The following FOXJ3 variants were observed in gnomAD, a reference collection of about 807,000 sequenced individuals.
FOXJ3 encodes the protein forkhead box J3.
FOXJ3 carries 22 observed loss-of-function variants against 76.1 expected under a neutral mutation model. The ratio of observed to expected loss-of-function variants is 0.29; its 90% CI spans 0.21 to 0.41. The LOEUF (loss-of-function observed/expected upper bound fraction) is 0.41. FOXJ3 is among the 10% of genes least tolerant of loss of function. The probability of loss-of-function intolerance (pLI) is 1.00; values close to 1 mark genes in which losing one functional copy is unlikely to be tolerated. For missense variants in FOXJ3, 613 were observed against 762.1 expected (o/e 0.80, Z 2.30); for synonymous variants, 269 against 261.2 (o/e 1.03, Z -0.29).
In FOXJ3 at chr1:42,314,271, C is replaced by T. The variant is rs115622787; in HGVS notation, c.-17-3161G>A. On this transcript the variant is annotated intron_variant, in intron 1 of 12. Coordinates refer to ENST00000361346, the MANE Select transcript of FOXJ3 (RefSeq NM_014947.5). ...TCAGAATCTTTTTATTTTTCTGAGACGGAGTTTTCACTCTTGCTGCCCAGG... is the reference window on the plus strand; with the variant it reads ...TCAGAATCTTTTTATTTTTCTGAGATGGAGTTTTCACTCTTGCTGCCCAGG... Among the ~76,000 whole-genome samples, 643 of 152,160 alleles carry T rather than the reference C, an allele frequency of 4.2e-3. 3 individuals carry two copies. The highest frequency in any genetic ancestry group is 0.014 in the African/African-American group (593 of 41,538).
intron 3 of FOXJ3, among the ~76,000 whole-genome samples, chr1:42,275,305 T>C (rs1397212581): frequency 3.3e-5 from 5 of 152,204 alleles, no homozygotes; most frequent in Non-Finnish European, 7.3e-5. Flanking sequence ...CATCTGATGA[T>C]AGACCTAAAG....
At chr1:42,270,760 T>C (rs1651808508) in intron 3 of FOXJ3, among the ~76,000 whole-genome samples, 1 of 152,228 alleles carries the variant, frequency 6.6e-6, no homozygotes, top group South Asian at 2.1e-4. Flanking sequence ...TGAAATGTTA[T>C]TTTAATGCAG....
upstream of FOXJ3, chr1:42,335,465 C>T (rs1014517432): frequency 6.6e-6 from 1 of 152,446 alleles, no homozygotes; most frequent in Non-Finnish European, 1.5e-5. Flanking sequence ...GTCCTTGTGC[C>T]TCGGAGTGGC....
At chr1:42,311,335 ACAGACATATCAGGAAGCG>A (rs1187864763) in intron 1 of FOXJ3, among the ~76,000 whole-genome samples, 2 of 152,222 alleles carry the variant, frequency 1.3e-5, no homozygotes, top group East Asian at 1.9e-4. Flanking sequence ...CAGGAAGCCT[ACAGACATATCAGGAAGCG>A]TAACAGAAAT....
chr1:42,220,762 T>C (rs1647167110), intron 5 of FOXJ3, among the ~76,000 whole-genome samples: 1 of 152,210 alleles, frequency 6.6e-6, no homozygotes, highest in Non-Finnish European at 1.5e-5. Flanking sequence ...TTTACCCTTA[T>C]TGGCTTCATT....
At chr1:42,265,341 TCTGA>T (rs774129454) in intron 3 of FOXJ3, 152 bp from the exon 4 acceptor site, 4 of 513,852 alleles carry the variant, frequency 7.8e-6, no homozygotes, top group Non-Finnish European at 1.4e-5. Context: ...TTTAAATCTT[TCTGA>T]CTTTCAAATT....
At chr1:42,313,091 T>C (rs932505392) in intron 1 of FOXJ3, among the ~76,000 whole-genome samples, 1 of 152,120 alleles carries the variant, frequency 6.6e-6, no homozygotes, top group Admixed American at 6.5e-5. Context: ...TCCCAGCACT[T>C]TGGGAGGCCG....
chr1:42,293,603 T>C (rs1165527392), intron 2 of FOXJ3, among the ~76,000 whole-genome samples: 2 of 152,216 alleles, frequency 1.3e-5, no homozygotes, highest in African/African-American at 4.8e-5. Flanking sequence ...AGGTAAAGCA[T>C]GAATGAGTAT....
chr1:42,291,099 C>CAGACAGAT (rs67792405), intron 2 of FOXJ3, among the ~76,000 whole-genome samples: 39 of 149,048 alleles, frequency 2.6e-4, no homozygotes, highest in African/African-American at 9.4e-4. Flanking sequence ...GACAGACAGA[C>CAGACAGAT]AGATAGATCC....
intron 2 of FOXJ3, among the ~76,000 whole-genome samples, chr1:42,283,225 T>C (rs1024268592): frequency 6.6e-6 from 1 of 152,204 alleles, no homozygotes; most frequent in African/African-American, 2.4e-5. Context: ...GAAGAATTTG[T>C]CTGCAGTTCT....
intron 5 of FOXJ3, among the ~76,000 whole-genome samples, chr1:42,216,388 G>A (rs1647067881): frequency 6.6e-6 from 1 of 151,710 alleles, no homozygotes; most frequent in Non-Finnish European, 1.5e-5. Context: ...CGTGGTAGCG[G>A]GCGCCTGTAG....
intron 5 of FOXJ3, among the ~76,000 whole-genome samples, chr1:42,208,830 G>T (rs1646910306): frequency 6.6e-6 from 1 of 152,174 alleles, no homozygotes; most frequent in Admixed American, 6.5e-5. Flanking sequence ...TAACAGCTCA[G>T]CCTAACCTAC....
intron 4 of FOXJ3, among the ~76,000 whole-genome samples, chr1:42,237,309 T>G (rs1569994893): frequency 6.6e-6 from 1 of 151,090 alleles, no homozygotes; most frequent in African/African-American, 2.4e-5. Flanking sequence ...CGGGAGGCGG[T>G]GCTTGCAGTG....
intron 1 of FOXJ3, among the ~76,000 whole-genome samples, chr1:42,317,826 G>A (rs1655210301): frequency 6.6e-6 from 1 of 152,102 alleles, no homozygotes; most frequent in Non-Finnish European, 1.5e-5. Context: ...TTCAGGAAAG[G>A]TAGAGAATGT....
chr1:42,200,405 G>C (rs1399897613), intron 6 of FOXJ3, among the ~76,000 whole-genome samples: 1 of 152,022 alleles, frequency 6.6e-6, no homozygotes. Flanking sequence ...TTGTGCAACA[G>C]AGCTTTATTG....
intron 1 of FOXJ3, chr1:42,315,461 C>G (rs80089098): frequency 0.036 from 34,456 of 950,876 alleles, 695 homozygotes; most frequent in Non-Finnish European, 0.038. Flanking sequence ...CTAAACTGTC[C>G]AAACACCAAC....
At chr1:42,292,520 A>T (rs1653506006) in intron 2 of FOXJ3, among the ~76,000 whole-genome samples, 1 of 152,236 alleles carries the variant, frequency 6.6e-6, no homozygotes, top group African/African-American at 2.4e-5. Flanking sequence ...TCTCAAAATA[A>T]TGAAACAAAA....
chr1:42,329,867 G>A (rs904738321), intron 1 of FOXJ3, among the ~76,000 whole-genome samples: 4 of 152,176 alleles, frequency 2.6e-5, no homozygotes, highest in South Asian at 2.1e-4. Flanking sequence ...GCCCTTACTT[G>A]AAATATTATC....
At chr1:42,181,073 A>C (rs1168334013) in intron 12 of FOXJ3, among the ~76,000 whole-genome samples, 1 of 152,216 alleles carries the variant, frequency 6.6e-6, no homozygotes, top group Non-Finnish European at 1.5e-5. Flanking sequence ...TCAAGGTTTT[A>C]AATCCACCCC....
Sources: gnomAD v4.1 joint callset for allele counts (sites outside exome capture counted in the v4.1 genomes callset) on GRCh38, gnomAD v4.1.1 for gene constraint, MANE v1.5 for transcripts, NCBI Gene and HGNC (gene_info 2026-07-23, HGNC 2026-07-21) for gene names.